The following GABRA2 variants were observed in gnomAD, a reference collection of about 807,000 sequenced individuals.
The protein encoded by GABRA2 is gamma-aminobutyric acid type A receptor subunit alpha2.
A neutral mutation model predicts 48.7 loss-of-function variants in GABRA2; 16 were observed. That is an observed-to-expected ratio of 0.33 (90% confidence interval 0.22 to 0.50). GABRA2 has a LOEUF of 0.50. Ranked by LOEUF, GABRA2 falls within the 20% of genes least tolerant of loss-of-function variation. GABRA2 has a pLI of 0.98. For missense variants in GABRA2, 275 were observed against 535.6 expected (o/e 0.51, Z 4.80); for synonymous variants, 185 against 184.5 (o/e 1.00, Z -0.02).
intron 8 of GABRA2, among the ~76,000 whole-genome samples, chr4:46,274,361 A>C (rs1221819731): frequency 1.3e-5 from 2 of 152,094 alleles, no homozygotes; most frequent in Non-Finnish European, 2.9e-5. Flanking sequence ...ATTTTCTTTC[A>C]AAGACACTTA....
intron 8 of GABRA2, among the ~76,000 whole-genome samples, chr4:46,287,666 T>C (rs1362004870): frequency 1.4e-5 from 2 of 145,696 alleles, no homozygotes; most frequent in African/African-American, 2.5e-5. Context: ...CATTGGGAGA[T>C]ATACCTAATG....
intron 5 of GABRA2, 30 bp downstream of exon 5, chr4:46,312,466 A>G (rs1280423716): frequency 1.6e-5 from 24 of 1,462,246 alleles, no homozygotes; most frequent in Non-Finnish European, 2.2e-5. Flanking sequence ...CTCAGTATAT[A>G]AATACATCAC....
chr4:46,305,693 T>A lies in GABRA2; in HGVS notation c.578A>T (p.Glu193Val). 1 of 1,611,172 alleles carries A rather than the reference T, an allele frequency of 6.2e-7. No homozygotes were observed. Among genetic ancestry groups the A allele is most frequent in the Non-Finnish European group, 8.5e-7 (1 of 1,178,258 alleles). The change falls in exon 7 of 10, where the codon GAG (glutamate) becomes GTG (valine). Residue 193 changes from glutamate (E) to valine (V), a missense_variant. By Grantham distance (121) the Glu-to-Val change is moderately radical. Around this residue, in one of 4 missense-constraint regions of GABRA2, gnomAD observed 113 missense variants for 257.1 expected, o/e 0.44. Coordinates refer to ENST00000381620, the MANE Select transcript of GABRA2 (RefSeq NM_000807.4). ...KFGSYAYTTSEVTYIWTYNAS... is the reference protein window; with the variant it reads ...KFGSYAYTTSVVTYIWTYNAS... Reference sequence around the variant, plus strand: ...ATTGTAAGTCCAAATATAAGTGACCTCTGAAGTTGTATATGCATCTATAGG... The same window carrying A: ...ATTGTAAGTCCAAATATAAGTGACCACTGAAGTTGTATATGCATCTATAGG...
intron 8 of GABRA2, among the ~76,000 whole-genome samples, chr4:46,296,275 G>T (rs1010688182): frequency 1.3e-5 from 2 of 152,112 alleles, no homozygotes; most frequent in Non-Finnish European, 1.5e-5. Flanking sequence ...TTTGCTTCCT[G>T]TTCCCGTGAC....
chr4:46,246,596 G>GTT lies in GABRA2; in HGVS notation c.*3711_*3712insAA, dbSNP rs1713753698. ...CTATAGGGTAGCAATGAGTCAGGTA[G>GTT]TAATCCCCTTAAAATTCTGAATGTT... is the stretch of plus-strand genomic sequence containing the variant. On this transcript the variant is annotated 3_prime_UTR_variant, in exon 10 of 10. Coordinates refer to ENST00000381620, the MANE Select transcript of GABRA2 (RefSeq NM_000807.4). Among the ~76,000 whole-genome samples, 11 of 151,304 alleles carry GTT rather than the reference G, an allele frequency of 7.3e-5. No homozygotes were observed. Among genetic ancestry groups the GTT allele is most frequent in the African/African-American group, 2.7e-4 (11 of 41,462 alleles).
At chr4:46,373,715 A>G (rs1383640969) in intron 3 of GABRA2, among the ~76,000 whole-genome samples, 1 of 152,062 alleles carries the variant, frequency 6.6e-6, no homozygotes, top group Non-Finnish European at 1.5e-5. Context: ...ATTAACTCCC[A>G]TTGTTGTATG....
At chr4:46,254,150 C>G (rs1484780279) in intron 9 of GABRA2, among the ~76,000 whole-genome samples, 3 of 151,418 alleles carry the variant, frequency 2.0e-5, no homozygotes, top group African/African-American at 7.3e-5. Context: ...TTACATGGCC[C>G]TATTCACTAT....
At chr4:46,329,370 A>T (rs1387153919) in intron 4 of GABRA2, among the ~76,000 whole-genome samples, 1 of 152,078 alleles carries the variant, frequency 6.6e-6, no homozygotes, top group Non-Finnish European at 1.5e-5. Flanking sequence ...GGTCAGCTGC[A>T]TTGTCATTTT....
chr4:46,333,506 A>G (rs903143365), intron 3 of GABRA2, among the ~76,000 whole-genome samples: 8 of 152,136 alleles, frequency 5.3e-5, no homozygotes, highest in African/African-American at 1.7e-4. Flanking sequence ...TAAATGTCTT[A>G]TCCATTAGCT....
At chr4:46,326,939 G>T (rs1425257527) in intron 4 of GABRA2, among the ~76,000 whole-genome samples, 1 of 151,730 alleles carries the variant, frequency 6.6e-6, no homozygotes, top group African/African-American at 2.4e-5. Context: ...AATTCCCCAA[G>T]ATGTCATTCT....
rs1314569983 is a variant in GABRA2, at chr4:46,310,161, C to A, written c.559+12G>T. On this transcript the variant is annotated intron_variant, in intron 6 of 9. Coordinates refer to ENST00000381620, the MANE Select transcript of GABRA2 (RefSeq NM_000807.4). Reference sequence around the variant, plus strand: ...ATTGACCCAAAACATGTAACTTCATCCCTGTACTTACAGCTGCCAAATTTC... The same window carrying A: ...ATTGACCCAAAACATGTAACTTCATACCTGTACTTACAGCTGCCAAATTTC... 6.2e-7 allele frequency: 1 copy of A among 1,602,728 alleles called. No homozygotes were observed. Among genetic ancestry groups the A allele is most frequent in the Non-Finnish European group, 8.5e-7 (1 of 1,170,014 alleles).
intron 3 of GABRA2, among the ~76,000 whole-genome samples, chr4:46,370,875 T>C (rs562715234): frequency 6.6e-6 from 1 of 152,020 alleles, no homozygotes; most frequent in East Asian, 1.9e-4. Flanking sequence ...TTTTCTACTC[T>C]ATTTGCCTTG....
intron 4 of GABRA2, among the ~76,000 whole-genome samples, chr4:46,316,152 G>A (rs60164593): frequency 0.099 from 15,041 of 151,710 alleles, 2,500 homozygotes; most frequent in African/African-American, 0.34. Flanking sequence ...TATCATCATC[G>A]TTTTTCCTCA....
chr4:46,251,934 A>G (rs552033962), intron 9 of GABRA2, among the ~76,000 whole-genome samples: 80 of 151,580 alleles, frequency 5.3e-4, no homozygotes, highest in African/African-American at 1.9e-3. Flanking sequence ...CTGTTTCTTT[A>G]CTAATATAAA....
chr4:46,283,988 T>C lies in GABRA2; in HGVS notation c.856+19472A>G, dbSNP rs542020433. Among the ~76,000 whole-genome samples the C allele has an allele frequency of 2.6e-5, 4 of 151,446 alleles. No individual in the cohort carries two copies. In the South Asian group the frequency reaches 8.4e-4, roughly 32 times the overall value. On this transcript the variant is annotated intron_variant, in intron 8 of 9. Transcript: ENST00000381620. ...GTTAGCCAGGATGGTCTCCATCTCC[T>C]GACCTTGTGATCTGCCCACCTCAGC...
At chr4:46,333,358 AC>A (rs1731692570) in intron 3 of GABRA2, among the ~76,000 whole-genome samples, 1 of 152,102 alleles carries the variant, frequency 6.6e-6, no homozygotes, top group South Asian at 2.1e-4. Flanking sequence ...TGCTCTATCA[AC>A]CAGGTAATTT....
chr4:46,339,066 T>C (rs1221621118), intron 3 of GABRA2, among the ~76,000 whole-genome samples: 1 of 151,836 alleles, frequency 6.6e-6, no homozygotes, highest in African/African-American at 2.4e-5. Context: ...AGTGAGTGAG[T>C]GAATAAAGTT....
intron 4 of GABRA2, among the ~76,000 whole-genome samples, chr4:46,326,498 C>CTTT (rs397938834): frequency 7.3e-6 from 1 of 137,044 alleles, no homozygotes; most frequent in Non-Finnish European, 1.6e-5. Context: ...TGGTCTCTGC[C>CTTT]TTTTTTTTTT....
At chr4:46,273,484 C>CAT (rs1250189953) in intron 8 of GABRA2, among the ~76,000 whole-genome samples, 1,065 of 18,750 alleles carry the variant, frequency 0.057, 31 homozygotes, top group African/African-American at 0.18. Flanking sequence ...TATATATATG[C>CAT]ATATATATAT....
Sources: allele counts gnomAD v4.1 joint callset (sites outside exome capture counted in the v4.1 genomes callset), GRCh38; gene constraint gnomAD v4.1.1; regional missense constraint gnomAD v4.1.1; transcripts MANE v1.5; gene names NCBI Gene and HGNC (gene_info 2026-07-23, HGNC 2026-07-21).